Variants in GPC5 observed in about 807,000 individuals in gnomAD.
GPC5 encodes glypican-5.
GPC5 carries 47 observed loss-of-function variants against 53.9 expected under a neutral mutation model. The observed-to-expected ratio is 0.87, with a 90% CI of 0.69 to 1.11. The LOEUF (loss-of-function observed/expected upper bound fraction) is 1.11. Ranked by LOEUF, GPC5 falls within the 50% of genes most tolerant of loss-of-function variation. GPC5 has a pLI of 0.00. For synonymous variants in GPC5, 286 were observed against 263.3 expected (o/e 1.09, Z -0.84); for missense variants, 748 against 713.1 (o/e 1.05, Z -0.56).
chr13:92,655,429 G>A lies in GPC5; in HGVS notation c.1562-210853G>A, dbSNP rs1322754644. 3.9e-5 allele frequency among the ~76,000 whole-genome samples: 6 copies of A among 151,906 alleles called. No individual in the cohort carries two copies. The East Asian group carries it at 5.8e-4, about 15-fold the overall frequency. ...GACTCACTGCAAACTCCGCTTCCTC[G>A]GTTCAAGCGATTCTCTTGCCTTAGC... is the stretch of plus-strand genomic sequence containing the variant. On this transcript the variant is annotated intron_variant, in intron 7 of 7. Transcript: ENST00000377067.
chr13:92,420,089 C>T (rs546970809), intron 7 of GPC5, among the ~76,000 whole-genome samples: 23 of 152,260 alleles, frequency 1.5e-4, no homozygotes, highest in African/African-American at 5.5e-4. Context: ...TCCTCCAATC[C>T]AGTCAGAGGC....
intron 7 of GPC5, among the ~76,000 whole-genome samples, chr13:92,358,905 A>AT (rs35430337): frequency 0.011 from 1,591 of 150,210 alleles, 33 homozygotes; most frequent in Middle Eastern, 0.048. Context: ...ATTTCAAGGC[A>AT]TTTTTTTTTC....
At chr13:91,654,732 C>A (rs1010629880) in intron 2 of GPC5, among the ~76,000 whole-genome samples, 1 of 152,140 alleles carries the variant, frequency 6.6e-6, no homozygotes, top group Non-Finnish European at 1.5e-5. Flanking sequence ...CAATGCCTGG[C>A]TCTTCACATT....
intron 7 of GPC5, among the ~76,000 whole-genome samples, chr13:92,602,626 A>G (rs1884114362): frequency 6.6e-6 from 1 of 152,148 alleles, no homozygotes; most frequent in African/African-American, 2.4e-5. Flanking sequence ...TTCTGAGAAC[A>G]GTATAGGCCA....
At chr13:92,525,437 A>AGTGTGTGTGTGTGTGTGTGTGTGTGTGT (rs34946580) in intron 7 of GPC5, among the ~76,000 whole-genome samples, 1 of 136,584 alleles carries the variant, frequency 7.3e-6, no homozygotes, top group Non-Finnish European at 1.6e-5. Context: ...GATAGATTCA[A>AGTGTGTGTGTGTGTGTGTGTGTGTGTGT]GTGTGTGTGT....
intron 5 of GPC5, among the ~76,000 whole-genome samples, chr13:91,844,590 G>T (rs2038827144): frequency 6.6e-6 from 1 of 152,182 alleles, no homozygotes; most frequent in South Asian, 2.1e-4. Context: ...CCTCAGGGAG[G>T]CAGTTCTCTG....
At chr13:91,879,719 G>A (rs977174069) in intron 5 of GPC5, among the ~76,000 whole-genome samples, 2 of 152,010 alleles carry the variant, frequency 1.3e-5, no homozygotes, top group African/African-American at 2.4e-5. Flanking sequence ...AATTTGAGAG[G>A]GATATAAACA....
At chr13:91,584,145 C>T (rs182282913) in intron 2 of GPC5, among the ~76,000 whole-genome samples, 7 of 152,076 alleles carry the variant, frequency 4.6e-5, no homozygotes, top group South Asian at 2.1e-4. Flanking sequence ...GAGAGGCCGC[C>T]GAAGAAACCA....
chr13:92,282,047 C>T (rs1028856841), intron 7 of GPC5, among the ~76,000 whole-genome samples: 1 of 152,120 alleles, frequency 6.6e-6, no homozygotes, highest in African/African-American at 2.4e-5. Flanking sequence ...CAGAGAAGTC[C>T]TTAAATGACC....
chr13:92,647,147 C>T (rs180688629), intron 7 of GPC5, among the ~76,000 whole-genome samples: 4 of 152,060 alleles, frequency 2.6e-5, no homozygotes, highest in East Asian at 3.9e-4. Flanking sequence ...AGACCTCAGC[C>T]TAATGTTGGA....
At chr13:92,779,698 G>T (rs943241934) in intron 7 of GPC5, among the ~76,000 whole-genome samples, 1 of 152,036 alleles carries the variant, frequency 6.6e-6, no homozygotes, top group African/African-American at 2.4e-5. Context: ...ATGGATGACA[G>T]CTACTCCTAT....
intron 7 of GPC5, among the ~76,000 whole-genome samples, chr13:92,229,620 T>C (rs1332798213): frequency 1.3e-5 from 2 of 152,120 alleles, no homozygotes; most frequent in Non-Finnish European, 2.9e-5. Flanking sequence ...GTTTATAGCT[T>C]TCTTGTCATG....
At chr13:91,523,804 A>G (rs1885952254) in intron 2 of GPC5, among the ~76,000 whole-genome samples, 1 of 152,212 alleles carries the variant, frequency 6.6e-6, no homozygotes, top group African/African-American at 2.4e-5. Flanking sequence ...ACTTTATGAT[A>G]TATCACATTA....
intron 7 of GPC5, among the ~76,000 whole-genome samples, chr13:92,546,367 C>A (rs903382723): frequency 1.3e-5 from 2 of 152,060 alleles, no homozygotes; most frequent in Admixed American, 6.6e-5. Context: ...TTCTTATACA[C>A]CAATAACAGA....
At chr13:92,696,269 T>A (rs559758917) in intron 7 of GPC5, among the ~76,000 whole-genome samples, 10 of 152,166 alleles carry the variant, frequency 6.6e-5, no homozygotes, top group South Asian at 6.2e-4. Flanking sequence ...TGAGGAATCA[T>A]CCCACTGTCT....
intron 7 of GPC5, among the ~76,000 whole-genome samples, chr13:92,188,503 TA>T (rs1361821988): frequency 6.6e-6 from 1 of 152,152 alleles, no homozygotes; most frequent in African/African-American, 2.4e-5. Context: ...TGATTTTGAA[TA>T]AATAGTTTTA....
intron 6 of GPC5, among the ~76,000 whole-genome samples, chr13:92,131,837 T>C (rs1357763429): frequency 6.6e-6 from 1 of 151,998 alleles, no homozygotes; most frequent in Non-Finnish European, 1.5e-5. Flanking sequence ...TACGTGTAAA[T>C]TATATATTAA....
At chr13:92,376,444 A>G (rs889350381) in intron 7 of GPC5, among the ~76,000 whole-genome samples, 3 of 152,170 alleles carry the variant, frequency 2.0e-5, no homozygotes, top group African/African-American at 7.2e-5. Context: ...CGAGAGAATC[A>G]CTTTGTTTCC....
Position 92,818,602 on chromosome 13 carries a change from G to C in GPC5, c.1562-47680G>C, listed in dbSNP as rs149501179. Among the ~76,000 whole-genome samples the C allele has an allele frequency of 1.5e-3, 233 of 151,998 alleles. 9 individuals are homozygous for C. Among genetic ancestry groups the C allele is most frequent in the African/African-American group, 5.3e-3 (220 of 41,338 alleles). ...GGTATTGAAAGAGTACAGGTTTCCA[G>C]TTCATTTCCTTTTTTGCAAAATGTC... On this transcript the variant is annotated intron_variant, in intron 7 of 7. Coordinates refer to ENST00000377067, the MANE Select transcript of GPC5 (RefSeq NM_004466.6).
Sources: allele counts gnomAD v4.1 joint callset (sites outside exome capture counted in the v4.1 genomes callset), GRCh38; gene constraint gnomAD v4.1.1; transcripts MANE v1.5; gene names NCBI Gene and HGNC (gene_info 2026-07-23, HGNC 2026-07-21).